Variants in GRIA4 observed in about 807,000 individuals in gnomAD.
The protein encoded by GRIA4 is glutamate receptor 4.
GRIA4 carries 34 observed loss-of-function variants against 104.0 expected under a neutral mutation model. The observed-to-expected ratio is 0.33, with a 90% confidence interval of 0.25 to 0.44. The LOEUF is 0.44. Among genes scored for constraint, GRIA4 ranks in the 20% least tolerant of loss-of-function variants. The pLI, the probability that GRIA4 is intolerant of heterozygous loss-of-function variation, is 1.00. For missense variants in GRIA4, 750 were observed against 1,096.5 expected (o/e 0.68, Z 4.46); for synonymous variants, 386 against 381.9 (o/e 1.01, Z -0.13).
At chr11:105,910,712 G>A (rs1947205440) in intron 10 of GRIA4, among the ~76,000 whole-genome samples, 167 bp downstream of exon 10, 1 of 151,978 alleles carries the variant, frequency 6.6e-6, no homozygotes. Context: ...CCTAAGCTTC[G>A]AGTTCATATA....
intron 14 of GRIA4, among the ~76,000 whole-genome samples, chr11:105,953,123 T>C (rs1948496089): frequency 6.6e-6 from 1 of 152,232 alleles, no homozygotes; most frequent in Non-Finnish European, 1.5e-5. Flanking sequence ...GGAGCATTGA[T>C]AATGCTGAAA....
chr11:105,869,490 G>T (rs934903237), intron 5 of GRIA4, among the ~76,000 whole-genome samples: 1 of 152,044 alleles, frequency 6.6e-6, no homozygotes, highest in Non-Finnish European at 1.5e-5. Context: ...GGAGAGGTAA[G>T]TTATATTCCT....
Position 105,916,956 on chromosome 11 carries a change from T to A in GRIA4, c.1270-1756T>A, listed in dbSNP as rs77376945. ...CTTCCATATTTTAAAAAGGTTATTT[T>A]AAAAAAAAGAGAAAATATAAGAATT... On this transcript the variant is annotated intron_variant, in intron 10 of 16. Coordinates refer to ENST00000282499, the MANE Select transcript of GRIA4 (RefSeq NM_000829.4). Among the ~76,000 whole-genome samples the A allele has an allele frequency of 9.7e-4, 148 of 152,038 alleles. 1 individual carries two copies. In the East Asian group the frequency reaches 0.023, roughly 24 times the overall value.
intron 3 of GRIA4, among the ~76,000 whole-genome samples, chr11:105,694,490 A>G (rs1953200815): frequency 6.6e-6 from 1 of 152,066 alleles, no homozygotes; most frequent in Non-Finnish European, 1.5e-5. Flanking sequence ...AACCAATATT[A>G]TTATTTCAAC....
At chr11:105,678,295 C>T (rs1952604970) in intron 3 of GRIA4, among the ~76,000 whole-genome samples, 1 of 151,984 alleles carries the variant, frequency 6.6e-6, no homozygotes, top group Admixed American at 6.6e-5. Flanking sequence ...TCTATTTCAG[C>T]ATTGATTACA....
intron 14 of GRIA4, among the ~76,000 whole-genome samples, chr11:105,957,739 A>C (rs1948628725): frequency 6.6e-6 from 1 of 152,196 alleles, no homozygotes; most frequent in African/African-American, 2.4e-5. Context: ...CTTCCTATCC[A>C]TGAGCATGGA....
At chr11:105,665,510 A>G (rs1198071092) in intron 3 of GRIA4, among the ~76,000 whole-genome samples, 1 of 152,022 alleles carries the variant, frequency 6.6e-6, no homozygotes, top group Non-Finnish European at 1.5e-5. Flanking sequence ...GTGCAGGACC[A>G]GAGAGGATAC....
At chr11:105,640,454 A>G (rs1210734558) in intron 3 of GRIA4, among the ~76,000 whole-genome samples, 1 of 151,860 alleles carries the variant, frequency 6.6e-6, no homozygotes, top group Non-Finnish European at 1.5e-5. Context: ...TGCACATACT[A>G]ATTTTACTAT....
At chr11:105,612,736 T>C in intron 3 of GRIA4, 1 of 265,574 alleles carries the variant, frequency 3.8e-6, no homozygotes, top group Non-Finnish European at 7.0e-6. Flanking sequence ...TTTAACATTT[T>C]AGTGTTATTC....
intron 9 of GRIA4, among the ~76,000 whole-genome samples, chr11:105,905,897 T>C (rs1947025938): frequency 6.6e-6 from 1 of 152,148 alleles, no homozygotes; most frequent in African/African-American, 2.4e-5. Context: ...TGAATAGGTA[T>C]AGGAGCGGTC....
intron 3 of GRIA4, among the ~76,000 whole-genome samples, chr11:105,701,217 G>T (rs971409559): frequency 6.6e-6 from 1 of 152,130 alleles, no homozygotes; most frequent in Non-Finnish European, 1.5e-5. Flanking sequence ...TGATGAAATT[G>T]CTTGCTTACT....
intron 4 of GRIA4, among the ~76,000 whole-genome samples, chr11:105,764,092 CAA>C (rs1209890146): frequency 1.3e-5 from 2 of 151,968 alleles, no homozygotes; most frequent in African/African-American, 4.8e-5. Flanking sequence ...TGATGCATTC[CAA>C]GAGATTATTT....
chr11:105,975,909 A>C (rs1482717012), intron 16 of GRIA4, among the ~76,000 whole-genome samples: 2 of 152,094 alleles, frequency 1.3e-5, no homozygotes, highest in Non-Finnish European at 2.9e-5. Flanking sequence ...ATAGTTCCAA[A>C]ACGATTCTTT....
chr11:105,974,700 T>C (rs999885836), intron 16 of GRIA4: 4 of 720,892 alleles, frequency 5.5e-6, no homozygotes, highest in South Asian at 2.0e-5. Context: ...GGTTCGGTTT[T>C]CTTTGGCTGC....
At chr11:105,801,688 G>T (rs1942727623) in intron 4 of GRIA4, among the ~76,000 whole-genome samples, 1 of 152,010 alleles carries the variant, frequency 6.6e-6, no homozygotes, top group Admixed American at 6.6e-5. Context: ...TATGCTCATT[G>T]TTGGTGAGGT....
intron 15 of GRIA4, among the ~76,000 whole-genome samples, chr11:105,972,940 G>A (rs1858773874): frequency 6.6e-6 from 1 of 152,118 alleles, no homozygotes; most frequent in Non-Finnish European, 1.5e-5. Context: ...TTAAATAGGA[G>A]AGCCTCAATT....
chr11:105,647,847 T>G (rs189360646), intron 3 of GRIA4, among the ~76,000 whole-genome samples: 1 of 152,032 alleles, frequency 6.6e-6, no homozygotes, highest in Non-Finnish European at 1.5e-5. Flanking sequence ...TAGTCCCAGC[T>G]ACTTGGAAGT....
At chr11:105,965,900 C>A in intron 14 of GRIA4, 1 of 1,293,972 alleles carries the variant, frequency 7.7e-7, no homozygotes, top group East Asian at 2.3e-5. Flanking sequence ...CTTCTAACAT[C>A]TTAACAGCTG....
chr11:105,694,181 ACT>A (rs1397377801), intron 3 of GRIA4, among the ~76,000 whole-genome samples: 4 of 150,520 alleles, frequency 2.7e-5, no homozygotes, highest in African/African-American at 9.8e-5. Context: ...ATGGAGTCTC[ACT>A]CTGTCATTCA....
Sources: allele counts gnomAD v4.1 joint callset (sites outside exome capture counted in the v4.1 genomes callset), GRCh38; gene constraint gnomAD v4.1.1; transcripts MANE v1.5; gene names NCBI Gene and HGNC (gene_info 2026-07-23, HGNC 2026-07-21).